The following ABCG1 variants were observed in gnomAD, a reference collection of about 807,000 sequenced individuals.
The protein encoded by ABCG1 is ATP-binding cassette sub-family G member 1.
A neutral mutation model predicts 69.2 loss-of-function variants in ABCG1; 29 were observed. The observed-to-expected ratio is 0.42, with a 90% confidence interval of 0.31 to 0.57. The LOEUF is 0.57. Ranked by LOEUF, ABCG1 falls within the 20% of genes least tolerant of loss-of-function variation. The probability of loss-of-function intolerance (pLI) is 0.15; values close to 1 mark genes in which losing one functional copy is unlikely to be tolerated. For synonymous variants in ABCG1, 370 were observed against 374.8 expected (o/e 0.99, Z 0.15); for missense variants, 718 against 898.1 (o/e 0.80, Z 2.56).
chr21:42,259,451 T>C, intron 2 of ABCG1: 2 of 1,549,282 alleles, frequency 1.3e-6, no homozygotes, highest in Non-Finnish European at 1.7e-6. Context: ...TGCCGATGTC[T>C]GGCCTACAGG....
chr21:42,280,283 C>T (rs916689509), intron 5 of ABCG1, among the ~76,000 whole-genome samples: 2 of 152,238 alleles, frequency 1.3e-5, no homozygotes, highest in Non-Finnish European at 2.9e-5. Context: ...CTCTCTCTGT[C>T]TCATGGAAAC....
At position 42,288,536 on chromosome 21, in the gene ABCG1, A is replaced by G. The variant is rs1261157310; in HGVS notation, c.1224+224A>G. On this transcript the variant is annotated intron_variant, in intron 10 of 14. Transcript: ENST00000398449. The surrounding 1 kb of genome is among the most constrained non-coding windows in gnomAD (Gnocchi z 4.8). ...AGCCTGGCCAACGTGGGGAAACCCC[A>G]TCTCTGCTAAAAATACAAAAATTAG... Among the ~76,000 whole-genome samples, 1 of 152,198 alleles carries G rather than the reference A, an allele frequency of 6.6e-6. No individual in the cohort carries two copies. Among genetic ancestry groups the G allele is most frequent in the Non-Finnish European group, 1.5e-5 (1 of 68,040 alleles).
rs561109631 is a variant in ABCG1, at chr21:42,273,705, C to A, written c.537+270C>A. ...TCAAGTTTCTGAGAAGGTTATTAAC[C>A]CGGCTGGCTTGGGTGATCCTCTCCA... On this transcript the variant is annotated intron_variant, in intron 4 of 14. Transcript: ENST00000398449. This position sits in a 1 kb window ranked among gnomAD's most constrained non-coding sequence, Gnocchi z 5.3. Among the ~76,000 whole-genome samples, 1 of 152,154 alleles carries A rather than the reference C, an allele frequency of 6.6e-6. No homozygotes were observed. The highest frequency in any genetic ancestry group is 2.4e-5 in the African/African-American group (1 of 41,418).
chr21:42,261,427 A>C (rs1406098338), intron 2 of ABCG1, among the ~76,000 whole-genome samples: 1 of 152,212 alleles, frequency 6.6e-6, no homozygotes, highest in Non-Finnish European at 1.5e-5. Context: ...CCCATGAGAA[A>C]GGATGACTCC....
intron 5 of ABCG1, among the ~76,000 whole-genome samples, chr21:42,277,650 A>G (rs1266104581): frequency 1.3e-5 from 2 of 152,170 alleles, no homozygotes; most frequent in Non-Finnish European, 2.9e-5. Flanking sequence ...TCAGTGTGAG[A>G]TGGAATTTGG....
At chr21:42,264,025 G>T (rs1037739740) in intron 2 of ABCG1, among the ~76,000 whole-genome samples, 1 of 152,174 alleles carries the variant, frequency 6.6e-6, no homozygotes, top group African/African-American at 2.4e-5. Flanking sequence ...TCTTGCTCAC[G>T]TCCTCATGGA....
At chr21:42,226,302 G>GC (rs145974388) in intron 2 of ABCG1, among the ~76,000 whole-genome samples, 1 of 152,140 alleles carries the variant, frequency 6.6e-6, no homozygotes, top group Non-Finnish European at 1.5e-5. Flanking sequence ...GGGGACAGGT[G>GC]CCCCCCTCCC....
chr21:42,214,786 T>C (rs2067621933), upstream of ABCG1, among the ~76,000 whole-genome samples: 1 of 152,208 alleles, frequency 6.6e-6, no homozygotes, highest in Non-Finnish European at 1.5e-5. Context: ...CAAACATCTC[T>C]CTGCAGCCTT....
At chr21:42,241,539 A>T (rs2068050839) in intron 2 of ABCG1, among the ~76,000 whole-genome samples, 1 of 151,488 alleles carries the variant, frequency 6.6e-6, no homozygotes, top group Admixed American at 6.6e-5. Flanking sequence ...CGAGAGGCAG[A>T]GGTTGCAGTG....
At chr21:42,200,596 CT>C (rs200131320) in intron 1 of ABCG1, among the ~76,000 whole-genome samples, 5,073 of 138,514 alleles carry the variant, frequency 0.037, 104 homozygotes, top group Non-Finnish European at 0.052. Context: ...TTATGTTGCA[CT>C]TTTTTTTTTT....
chr21:42,276,932 G>A lies in ABCG1; in HGVS notation c.575G>A (p.Gly192Asp). 6.2e-7 allele frequency: 1 copy of A among 1,614,216 alleles called. No individual in the cohort carries two copies. Among genetic ancestry groups the A allele is most frequent in the Non-Finnish European group, 8.5e-7 (1 of 1,180,028 alleles). The change falls in exon 5 of 15, where the codon GGC becomes GAC. Residue 192 changes from glycine to aspartate, a missense_variant. This residue lies in a region of ABCG1 where 514 missense variants were observed against 574.3 expected (regional missense o/e 0.90). Transcript: ENST00000398449. The surrounding 1 kb of genome is among the most constrained non-coding windows in gnomAD (Gnocchi z 5.3). The part of the protein sequence containing the change: ...AHLKLQEKDE[G>D]RREMVKEILT... ...CTGAAGCTTCAGGAGAAGGATGAAG[G>A]CAGAAGGGAAATGGTAAGTGGGTTG...
At chr21:42,242,034 A>G (rs1330017723) in intron 2 of ABCG1, among the ~76,000 whole-genome samples, 2 of 152,072 alleles carry the variant, frequency 1.3e-5, no homozygotes, top group East Asian at 1.9e-4. Context: ...TGTTTTACAA[A>G]TATGCCTGCC....
intron 2 of ABCG1, among the ~76,000 whole-genome samples, chr21:42,257,354 C>T (rs2068323170): frequency 1.3e-5 from 2 of 152,222 alleles, no homozygotes; most frequent in South Asian, 4.1e-4. Context: ...TCCATGGCAC[C>T]CGCAGCCTCT....
In ABCG1 at chr21:42,219,986, T is replaced by G. The variant is rs1309624171; in HGVS notation, c.42+682T>G. Reference sequence around the variant, plus strand: ...TGGGGACAGGGATGCGCATTTCACTTCCCCGAGCTCCGGAGAGGGATGGCG... The same window carrying G: ...TGGGGACAGGGATGCGCATTTCACTGCCCCGAGCTCCGGAGAGGGATGGCG... On this transcript the variant is annotated intron_variant, in intron 1 of 14. Coordinates refer to ENST00000398449, the MANE Select transcript of ABCG1 (RefSeq NM_016818.3). The surrounding 1 kb of genome is among the most constrained non-coding windows in gnomAD (Gnocchi z 5.3). 16 of 1,552,858 alleles carry G rather than the reference T, an allele frequency of 1.0e-5. No homozygotes were observed. The highest frequency in any genetic ancestry group is 1.4e-5 in the Non-Finnish European group (16 of 1,147,560).
chr21:42,297,082 T>C lies in ABCG1; in HGVS notation c.*690T>C, dbSNP rs548753354. The C allele has an allele frequency of 6.5e-6, 1 of 152,766 alleles. No individual in the cohort carries two copies. Among genetic ancestry groups the C allele is most frequent in the South Asian group, 2.1e-4 (1 of 4,832 alleles). 9.5% of individuals were successfully genotyped at this position (152,766 alleles called of 1,614,324 possible). A position where few individuals can be genotyped will look rare whatever the true frequency, so the allele number is the denominator to read the frequency against. On this transcript the variant is annotated 3_prime_UTR_variant, in exon 15 of 15. Transcript: ENST00000398449. ...CACTTGTGAAGGATTGAATGCAGGT[T>C]CCAGGTGGAGGGAAGACGTGGACAC...
chr21:42,231,040 G>A (rs1387830941), intron 2 of ABCG1, among the ~76,000 whole-genome samples: 4 of 152,236 alleles, frequency 2.6e-5, no homozygotes, highest in African/African-American at 9.6e-5. Flanking sequence ...ATGGTGTGGG[G>A]TTGCCTTGGC....
At chr21:42,253,629 G>C (rs1259668045) in intron 2 of ABCG1, among the ~76,000 whole-genome samples, 2 of 152,136 alleles carry the variant, frequency 1.3e-5, no homozygotes, top group Admixed American at 6.5e-5. Context: ...GAACCCTAAA[G>C]GGAAACCGCA....
chr21:42,296,633 T>TTTTG lies in ABCG1; in HGVS notation c.*244_*245insGTTT. 1.9e-6 allele frequency: 1 copy of TTTTG among 521,762 alleles called. No homozygotes were observed. The highest frequency in any genetic ancestry group is 3.5e-6 in the Non-Finnish European group (1 of 288,342). 32.3% of individuals were successfully genotyped at this position (521,762 alleles called of 1,614,324 possible). A position where few individuals can be genotyped will look rare whatever the true frequency, so the allele number is the denominator to read the frequency against. The stretch of plus-strand genomic sequence containing the variant: ...TGTAGGCAGATTGGTGGTTTTTTTT[T>TTTTG]TTTTAACATACAGAATTTTAAATAC... On this transcript the variant is annotated 3_prime_UTR_variant, in exon 15 of 15. Transcript: ENST00000398449. The surrounding 1 kb of genome is among the most constrained non-coding windows in gnomAD (Gnocchi z 5.4).
rs1161421320 is a variant in ABCG1 at position 42,291,917 on chromosome 21, C to T, written c.1653+261C>T. On this transcript the variant is annotated intron_variant, in intron 13 of 14. Transcript: ENST00000398449. This position sits in a 1 kb window ranked among gnomAD's most constrained non-coding sequence, Gnocchi z 6.4. ...GCTTCCCAGATCTGAGCTCCTGTAG[C>T]CCCAAGCACAGCCACGCTTAGGTGC... Among the ~76,000 whole-genome samples, 4 of 152,168 alleles carry T rather than the reference C, an allele frequency of 2.6e-5. No individual in the cohort carries two copies. The highest frequency in any genetic ancestry group is 9.7e-5 in the African/African-American group (4 of 41,434).
Sources: gnomAD v4.1 joint callset for allele counts (sites outside exome capture counted in the v4.1 genomes callset) on GRCh38, gnomAD v4.1.1 for gene constraint, gnomAD v4.1.1 regional missense constraint, Gnocchi (gnomAD v3.1) non-coding constraint, MANE v1.5 for transcripts, NCBI Gene and HGNC (gene_info 2026-07-23, HGNC 2026-07-21) for gene names.